SYT2: variants seen among roughly 807,000 people sequenced by gnomAD.
SYT2 encodes the protein synaptotagmin-2.
Under a neutral mutation model 39.9 loss-of-function variants are expected in SYT2, and 15 were observed. That is an observed-to-expected ratio of 0.38 (90% CI 0.25 to 0.58). The LOEUF (loss-of-function observed/expected upper bound fraction) is 0.58, where lower values mean the gene tolerates loss of function less well. Ranked by LOEUF, SYT2 falls within the 20% of genes least tolerant of loss-of-function variation. The pLI is 0.70. For synonymous variants in SYT2, 181 were observed against 204.5 expected (o/e 0.89, Z 0.98); for missense variants, 389 against 530.3 (o/e 0.73, Z 2.62).
At chr1:202,631,837 C>T (rs993750360) in intron 1 of SYT2, among the ~76,000 whole-genome samples, 26 of 152,164 alleles carry the variant, frequency 1.7e-4, no homozygotes, top group African/African-American at 6.3e-4. Flanking sequence ...AGACAGGACT[C>T]AGGTAAGGGG....
chr1:202,609,474 T>A (rs1173248694), intron 1 of SYT2, among the ~76,000 whole-genome samples: 2 of 152,216 alleles, frequency 1.3e-5, no homozygotes, highest in Non-Finnish European at 1.5e-5. Flanking sequence ...CACACTGACT[T>A]CCACAATGGT....
At chr1:202,618,925 A>G (rs368917589) in intron 1 of SYT2, among the ~76,000 whole-genome samples, 2 of 152,082 alleles carry the variant, frequency 1.3e-5, no homozygotes, top group East Asian at 1.9e-4. Flanking sequence ...GCCCTTTCAT[A>G]CCCTGCATGC....
intron 1 of SYT2, among the ~76,000 whole-genome samples, chr1:202,675,120 C>G (rs1653330968): frequency 6.6e-6 from 1 of 152,070 alleles, no homozygotes. Flanking sequence ...TGAATGAGGA[C>G]TGTGTATGTG....
At chr1:202,626,398 C>CTTTTTTTT (rs58802666) in intron 1 of SYT2, among the ~76,000 whole-genome samples, 2 of 72,432 alleles carry the variant, frequency 2.8e-5, no homozygotes, top group East Asian at 4.5e-4. Context: ...AGCCTCTCAG[C>CTTTTTTTT]TTTTTTTTTT....
chr1:202,671,110 G>A (rs1299918015), intron 1 of SYT2, among the ~76,000 whole-genome samples: 1 of 152,244 alleles, frequency 6.6e-6, no homozygotes, highest in African/African-American at 2.4e-5. Context: ...ACTCCCATCT[G>A]CACCAGCCTT....
chr1:202,601,919 T>C lies in SYT2; in HGVS notation c.772A>G (p.Arg258Gly). 6.2e-7 allele frequency: 1 copy of C among 1,614,144 alleles called. No individual in the cohort carries two copies. The highest frequency in any genetic ancestry group is 1.1e-5 in the South Asian group (1 of 91,070). The part of the protein sequence containing the change: ...VDLGQPIEEW[R>G]DLQGGEKEEP... ...TCCTTTTCCCCGCCTTGCAGGTCTCTCCACTCCTCAATGGGCTGGCCGAGG... is the reference window on the plus strand; with the variant it reads ...TCCTTTTCCCCGCCTTGCAGGTCTCCCCACTCCTCAATGGGCTGGCCGAGG... Residue 258 changes from arginine to glycine, a missense_variant, in exon 6 of 9, where the codon AGA becomes GGA. Around this residue, in one of 4 missense-constraint regions of SYT2, gnomAD observed 280 missense variants for 335.6 expected, o/e 0.83. Coordinates refer to ENST00000367268, the MANE Select transcript of SYT2 (RefSeq NM_177402.5). This position sits in a 1 kb window ranked among gnomAD's most constrained non-coding sequence, Gnocchi z 4.0.
intron 1 of SYT2, among the ~76,000 whole-genome samples, chr1:202,676,439 A>G (rs1040471987): frequency 3.9e-5 from 6 of 152,184 alleles, no homozygotes; most frequent in Non-Finnish European, 5.9e-5. Context: ...GTCTGTTTGC[A>G]TATCTTACAA....
rs374555617 is a variant in SYT2 at position 202,623,618 on chromosome 1, G to A, written c.-17-17829C>T. Among the ~76,000 whole-genome samples the A allele has an allele frequency of 6.6e-6, 1 of 152,228 alleles. No individual in the cohort carries two copies. Among genetic ancestry groups the A allele is most frequent in the East Asian group, 1.9e-4 (1 of 5,194 alleles). ...GACAGATGGAGGCTTGGGGACCAGC[G>A]GGCCCTGGGCTGCCTGGTGTAGGAT... On this transcript the variant is annotated intron_variant, in intron 1 of 8. Coordinates refer to ENST00000367268, the MANE Select transcript of SYT2 (RefSeq NM_177402.5). This position sits in a 1 kb window ranked among gnomAD's most constrained non-coding sequence, Gnocchi z 4.2.
Position 202,599,560 on chromosome 1 carries a change from C to T in SYT2, c.920-209G>A, listed in dbSNP as rs1178417384. On this transcript the variant is annotated intron_variant, in intron 7 of 8. Coordinates refer to ENST00000367268, the MANE Select transcript of SYT2 (RefSeq NM_177402.5). This position sits in a 1 kb window ranked among gnomAD's most constrained non-coding sequence, Gnocchi z 4.4. ...ACCAACTGTGACCAGTTGGTTGTGG[C>T]TTCCTGAAGCATTGGGTGGAGGGCA... Among the ~76,000 whole-genome samples the T allele has an allele frequency of 6.6e-6, 1 of 152,148 alleles. No homozygotes were observed. Among genetic ancestry groups the T allele is most frequent in the African/African-American group, 2.4e-5 (1 of 41,412 alleles).
In SYT2 at chr1:202,614,698, ATT is replaced by A. The variant is rs1690983681; in HGVS notation, c.-17-8911_-17-8910del. 6.6e-6 allele frequency among the ~76,000 whole-genome samples: 1 copy of A among 152,232 alleles called. No individual in the cohort carries two copies. The highest frequency in any genetic ancestry group is 1.5e-5 in the Non-Finnish European group (1 of 68,038). ...TTGAACTGAGACCTGAAGGGTGAGTATTTATCCAGGTAAAGAGGAGATGAAAG... is the reference window on the plus strand; with the variant it reads ...TTGAACTGAGACCTGAAGGGTGAGTATATCCAGGTAAAGAGGAGATGAAAG... On this transcript the variant is annotated intron_variant, in intron 1 of 8. Transcript: ENST00000367268. The surrounding 1 kb of genome is among the most constrained non-coding windows in gnomAD (Gnocchi z 4.0).
chr1:202,603,101 C>T lies in SYT2; in HGVS notation c.363G>A (p.Glu121=). Residue 121 remains glutamate, a synonymous_variant, in exon 4 of 9, where the codon GAG becomes GAA. Transcript: ENST00000367268. ...CACCTTCCCCCTCAGTCAGGCCTGT[C>T]TCTGCGTCGTCGTCATCCTGTGGGA... ...MKGGQDDDDA[E]TGLTEGEGEG... The T allele has an allele frequency of 6.2e-7, 1 of 1,614,142 alleles. No homozygotes were observed. The highest frequency in any genetic ancestry group is 8.5e-7 in the Non-Finnish European group (1 of 1,180,016).
chr1:202,604,067 C>T (rs1339731363), intron 3 of SYT2, among the ~76,000 whole-genome samples: 4 of 152,194 alleles, frequency 2.6e-5, no homozygotes, highest in Non-Finnish European at 4.4e-5. Flanking sequence ...ATTTGATTCC[C>T]GCCCCATGCC....
rs957667862 is a variant in SYT2, at chr1:202,629,873, G to GT, written c.-17-24085_-17-24084insA. Among the ~76,000 whole-genome samples the GT allele has an allele frequency of 1.6e-4, 20 of 125,714 alleles. 3 individuals carry two copies. Among genetic ancestry groups the GT allele is most frequent in the African/African-American group, 5.6e-4 (19 of 34,012 alleles). The allele number at this position is 125,714 out of a possible 152,430, so 82.5% of individuals were successfully genotyped here. A position where few individuals can be genotyped will look rare whatever the true frequency, so the allele number is the denominator to read the frequency against. On this transcript the variant is annotated intron_variant, in intron 1 of 8. Coordinates refer to ENST00000367268, the MANE Select transcript of SYT2 (RefSeq NM_177402.5). ...ATACCCAGCAGGCAGCTGGTGGGGGGGGGGGGGTGGTACGGCAGGTGTGTT... is the reference window on the plus strand; with the variant it reads ...ATACCCAGCAGGCAGCTGGTGGGGGGTGGGGGGGTGGTACGGCAGGTGTGTT...
intron 1 of SYT2, among the ~76,000 whole-genome samples, chr1:202,655,982 C>G (rs778214290): frequency 6.6e-6 from 1 of 152,104 alleles, no homozygotes; most frequent in Non-Finnish European, 1.5e-5. Context: ...TGAGCAGCAA[C>G]AGGTGTGACC....
intron 1 of SYT2, among the ~76,000 whole-genome samples, chr1:202,626,440 A>C (rs1691416937): frequency 9.0e-6 from 1 of 110,810 alleles, no homozygotes; most frequent in Non-Finnish European, 1.7e-5. Context: ...ACAGGGTCTC[A>C]CTCTGTCACC....
intron 1 of SYT2, among the ~76,000 whole-genome samples, chr1:202,609,798 A>G (rs1167841099): frequency 6.6e-6 from 1 of 152,080 alleles, no homozygotes; most frequent in East Asian, 1.9e-4. Context: ...CCTTTGTCAG[A>G]TGAGTAGATT....
chr1:202,617,670 C>T (rs1014332852), intron 1 of SYT2, among the ~76,000 whole-genome samples: 4 of 152,168 alleles, frequency 2.6e-5, no homozygotes, highest in African/African-American at 9.7e-5. Flanking sequence ...CCCATGGCTC[C>T]CTCCTCCCCT....
chr1:202,703,480 G>A (rs757598818), intron 1 of SYT2, among the ~76,000 whole-genome samples: 1 of 152,152 alleles, frequency 6.6e-6, no homozygotes, highest in Non-Finnish European at 1.5e-5. Flanking sequence ...ACTACTGCAG[G>A]TGGTTACAAC....
chr1:202,609,577 C>T (rs1252080607), intron 1 of SYT2, among the ~76,000 whole-genome samples: 1 of 152,168 alleles, frequency 6.6e-6, no homozygotes, highest in Non-Finnish European at 1.5e-5. Flanking sequence ...TTAATGATCG[C>T]CATTCTAACT....
Sources: allele counts gnomAD v4.1 joint callset (sites outside exome capture counted in the v4.1 genomes callset), GRCh38; gene constraint gnomAD v4.1.1; regional missense constraint gnomAD v4.1.1; non-coding constraint Gnocchi (gnomAD v3.1); transcripts MANE v1.5; gene names NCBI Gene and HGNC (gene_info 2026-07-23, HGNC 2026-07-21).